Variants in DNM3 observed in about 807,000 individuals in gnomAD.
DNM3 encodes dynamin-3.
In DNM3, 47 loss-of-function variants were observed where a neutral mutation model predicts 101.6. That is an observed-to-expected ratio of 0.46 (90% confidence interval 0.37 to 0.59). The LOEUF (loss-of-function observed/expected upper bound fraction) is 0.59, where lower values mean the gene tolerates loss of function less well. Among genes scored for constraint, DNM3 ranks in the 20% least tolerant of loss-of-function variants. DNM3 has a pLI of 0.00. For missense variants in DNM3, 849 were observed against 1,085.7 expected, an observed-to-expected ratio of 0.78 and a Z score of 3.06; for synonymous variants, 385 against 387.9, an observed-to-expected ratio of 0.99 and a Z score of 0.09.
intron 14 of DNM3, among the ~76,000 whole-genome samples, chr1:172,158,853 C>T (rs2058442855): frequency 6.6e-6 from 1 of 152,050 alleles, no homozygotes; most frequent in Non-Finnish European, 1.5e-5. Flanking sequence ...ATGTGAGCTA[C>T]AGTTATAAGC....
intron 20 of DNM3, among the ~76,000 whole-genome samples, chr1:172,395,867 TGTG>T (rs894116988): frequency 6.6e-6 from 1 of 152,212 alleles, no homozygotes; most frequent in Admixed American, 6.5e-5. Flanking sequence ...GTATTTTAAA[TGTG>T]GGGGATGGGA....
chr1:172,022,887 A>G (rs1398005123), intron 4 of DNM3, among the ~76,000 whole-genome samples: 1 of 152,160 alleles, frequency 6.6e-6, no homozygotes, highest in Non-Finnish European at 1.5e-5. Context: ...ACATTCTACT[A>G]AAAGAATCAT....
At chr1:172,319,142 T>A (rs1049932508) in intron 16 of DNM3, among the ~76,000 whole-genome samples, 8 of 151,950 alleles carry the variant, frequency 5.3e-5, no homozygotes, top group African/African-American at 7.3e-5. Context: ...TGAGGAAAGG[T>A]TTCCCTATTT....
intron 13 of DNM3, among the ~76,000 whole-genome samples, chr1:172,101,851 CT>C (rs1009428061): frequency 1.1e-4 from 16 of 151,694 alleles, no homozygotes; most frequent in Admixed American, 9.9e-4. Context: ...CATTAATTTG[CT>C]TTTTTTATTA....
intron 4 of DNM3, among the ~76,000 whole-genome samples, chr1:171,990,439 G>A (rs1474381365): frequency 6.6e-6 from 1 of 152,120 alleles, no homozygotes; most frequent in Non-Finnish European, 1.5e-5. Flanking sequence ...TCCTGAGCTG[G>A]TCTGGTATAA....
At chr1:172,217,793 G>GT (rs2060759568) in intron 14 of DNM3, among the ~76,000 whole-genome samples, 1 of 152,090 alleles carries the variant, frequency 6.6e-6, no homozygotes, top group African/African-American at 2.4e-5. Context: ...GTAAAGAAAT[G>GT]TATGGGATGG....
chr1:171,869,422 G>T (rs1411537496), intron 1 of DNM3, among the ~76,000 whole-genome samples: 4 of 152,160 alleles, frequency 2.6e-5, no homozygotes, highest in African/African-American at 9.7e-5. Context: ...TGCTAAGTGT[G>T]TCTCTCCAGC....
At chr1:172,098,884 C>T (rs2054438097) in intron 13 of DNM3, among the ~76,000 whole-genome samples, 1 of 152,134 alleles carries the variant, frequency 6.6e-6, no homozygotes, top group African/African-American at 2.4e-5. Context: ...TCTAAGAGCT[C>T]AAGGAACTTG....
chr1:172,141,946 C>A (rs544563603), intron 14 of DNM3, among the ~76,000 whole-genome samples: 53 of 152,176 alleles, frequency 3.5e-4, no homozygotes, highest in African/African-American at 1.3e-3. Context: ...GGTGTTGAAG[C>A]TAAGGCTCTG....
intron 8 of DNM3, among the ~76,000 whole-genome samples, chr1:172,043,353 G>A (rs948106572): frequency 1.3e-5 from 2 of 152,156 alleles, no homozygotes; most frequent in Non-Finnish European, 2.9e-5. Flanking sequence ...TGTGCTAAGC[G>A]TAAAATGCCC....
chr1:172,337,907 TTTTATTTTATTTTA>T lies in DNM3; in HGVS notation c.1893+14571_1893+14584del, dbSNP rs1480465009. Among the ~76,000 whole-genome samples, 106 of 135,880 alleles carry T rather than the reference TTTTATTTTATTTTA, an allele frequency of 7.8e-4. No homozygotes were observed. The Middle Eastern group carries it at 0.012, about 16-fold the overall frequency. The allele number at this position is 135,880 out of a possible 152,430, so 89.1% of individuals were successfully genotyped here. A position where few individuals can be genotyped will look rare whatever the true frequency, so the allele number is the denominator to read the frequency against. ...TTTTATTTTATTTTATTTTATTTTA[TTTTATTTTATTTTA>T]TTTTATTATTTTGAGACAGAGTCTG... On this transcript the variant is annotated intron_variant, in intron 17 of 20. Transcript: ENST00000627582.
chr1:172,284,423 G>A (rs762370392), intron 15 of DNM3, among the ~76,000 whole-genome samples: 34 of 152,122 alleles, frequency 2.2e-4, no homozygotes, highest in Non-Finnish European at 4.3e-4. Context: ...GGTTGTTAGT[G>A]TCCTTCTTAG....
intron 14 of DNM3, among the ~76,000 whole-genome samples, chr1:172,146,906 G>T (rs1472216152): frequency 6.6e-6 from 1 of 152,034 alleles, no homozygotes; most frequent in Non-Finnish European, 1.5e-5. Context: ...GCCCTCAAAT[G>T]GTTCTACTAC....
chr1:171,987,544 T>TGAA, intron 2 of DNM3, 112 bp from the exon 3 acceptor site: 1 of 1,151,976 alleles, frequency 8.7e-7, no homozygotes, highest in Admixed American at 2.6e-5. Context: ...GGGATGTTCA[T>TGAA]GAAGGAAGAA....
intron 14 of DNM3, among the ~76,000 whole-genome samples, chr1:172,197,091 G>T (rs867104156): frequency 6.6e-6 from 1 of 152,078 alleles, no homozygotes; most frequent in African/African-American, 2.4e-5. Context: ...TGTATATGGT[G>T]TAAGGAAGGG....
At chr1:172,026,413 C>T (rs1331059462) in intron 4 of DNM3, among the ~76,000 whole-genome samples, 4 of 152,098 alleles carry the variant, frequency 2.6e-5, no homozygotes, top group African/African-American at 9.7e-5. Context: ...ACTTCCCCAA[C>T]CTAGCAAGAC....
intron 13 of DNM3, among the ~76,000 whole-genome samples, chr1:172,095,851 T>C (rs986260988): frequency 2.6e-5 from 4 of 152,222 alleles, no homozygotes; most frequent in South Asian, 4.1e-4. Context: ...TGTCAGCAAA[T>C]GTACAAAAAA....
At chr1:172,059,390 C>G (rs1250442578) in intron 10 of DNM3, among the ~76,000 whole-genome samples, 1 of 112,858 alleles carries the variant, frequency 8.9e-6, no homozygotes, top group East Asian at 2.7e-4. Context: ...GAGACACAAC[C>G]AAAAAAGAGA....
intron 13 of DNM3, among the ~76,000 whole-genome samples, chr1:172,111,485 C>T (rs776826764): frequency 1.3e-5 from 2 of 152,164 alleles, no homozygotes; most frequent in Admixed American, 6.5e-5. Flanking sequence ...TTAGTATTTA[C>T]AAAATCTATT....
Sources: allele counts gnomAD v4.1 joint callset (sites outside exome capture counted in the v4.1 genomes callset), GRCh38; gene constraint gnomAD v4.1.1; transcripts MANE v1.5; gene names NCBI Gene and HGNC (gene_info 2026-07-23, HGNC 2026-07-21).